Variants in CAMK2G observed in about 807,000 individuals in gnomAD.
CAMK2G encodes calcium/calmodulin-dependent protein kinase type II subunit gamma.
CAMK2G carries 23 observed loss-of-function variants against 88.7 expected under a neutral mutation model. That is an observed-to-expected ratio of 0.26 (90% confidence interval 0.19 to 0.37). The LOEUF (loss-of-function observed/expected upper bound fraction) is 0.37. CAMK2G is among the 10% of genes least tolerant of loss of function. The pLI is 1.00. For missense variants in CAMK2G, 476 were observed against 780.8 expected (o/e 0.61, Z 4.65); for synonymous variants, 263 against 294.8 (o/e 0.89, Z 1.11).
At position 73,851,243 on chromosome 10, in the gene CAMK2G, G is replaced by A. The variant is rs1368960863; in HGVS notation, c.341+1011C>T. ...CATAAGCCAGATAAGCTGCAGGCAG[G>A]ATGATCAAAACCAGGTTGTAGGGAC... On this transcript the variant is annotated intron_variant, in intron 5 of 22. Transcript: ENST00000423381. Among the ~76,000 whole-genome samples, 4 of 152,246 alleles carry A rather than the reference G, an allele frequency of 2.6e-5. No homozygotes were observed. The East Asian group carries it at 7.7e-4, about 29-fold the overall frequency.
intron 16 of CAMK2G, 122 bp downstream of exon 16, chr10:73,825,157 A>C: frequency 1.3e-6 from 1 of 756,044 alleles, no homozygotes. Flanking sequence ...CAAAGCAGTC[A>C]GTTCTATGGG....
intron 1 of CAMK2G, among the ~76,000 whole-genome samples, chr10:73,873,809 G>C (rs1485039062): frequency 7.7e-6 from 1 of 129,724 alleles, no homozygotes; most frequent in Non-Finnish European, 1.7e-5. Flanking sequence ...GCAGCGGCCA[G>C]CTCAGTGCGG....
intron 19 of CAMK2G, among the ~76,000 whole-genome samples, chr10:73,819,220 C>T (rs1373196917): frequency 1.3e-5 from 2 of 152,116 alleles, no homozygotes; most frequent in Admixed American, 6.5e-5. Flanking sequence ...ACCTGACTTC[C>T]GACTCTGCCC....
intron 1 of CAMK2G, chr10:73,873,570 C>A (rs2095925487): frequency 1.0e-6 from 1 of 986,144 alleles, no homozygotes; most frequent in Non-Finnish European, 1.2e-6. Context: ...GAGGCTCAAA[C>A]CCCCCCACAG....
chr10:73,865,270 T>A (rs1788529926), intron 2 of CAMK2G, among the ~76,000 whole-genome samples: 1 of 152,204 alleles, frequency 6.6e-6, no homozygotes, highest in Admixed American at 6.5e-5. Context: ...GGGGCCCACC[T>A]GTGTCTACAG....
intron 14 of CAMK2G, among the ~76,000 whole-genome samples, chr10:73,829,510 G>C (rs1178523068): frequency 6.6e-6 from 1 of 151,894 alleles, no homozygotes; most frequent in Non-Finnish European, 1.5e-5. Flanking sequence ...ATGTTGGCCA[G>C]GCTGGTCTCG....
At chr10:73,834,431 A>C (rs909792084) in intron 14 of CAMK2G, among the ~76,000 whole-genome samples, 3 of 152,216 alleles carry the variant, frequency 2.0e-5, no homozygotes, top group Admixed American at 6.5e-5. Flanking sequence ...GACACACAAC[A>C]CATTGCAGGG....
At chr10:73,853,123 T>A (rs2250140) in intron 4 of CAMK2G, 69 bp downstream of exon 4, 1 of 1,458,148 alleles carries the variant, frequency 6.9e-7, no homozygotes, top group Non-Finnish European at 9.6e-7. Flanking sequence ...TGTTTAGGCC[T>A]CTTCCTGAGC....
intron 19 of CAMK2G, 128 bp downstream of exon 19, chr10:73,819,404 G>A: frequency 1.4e-6 from 1 of 707,818 alleles, no homozygotes; most frequent in Non-Finnish European, 2.5e-6. Flanking sequence ...ACCCCCAGCA[G>A]AGGCCATGCT....
At chr10:73,866,635 T>C (rs2095605412) in intron 2 of CAMK2G, among the ~76,000 whole-genome samples, 1 of 152,230 alleles carries the variant, frequency 6.6e-6, no homozygotes, top group African/African-American at 2.4e-5. Context: ...TTTGCAGGTC[T>C]GTGCCTATGA....
chr10:73,871,790 T>C (rs2688625), intron 2 of CAMK2G, among the ~76,000 whole-genome samples: 71,029 of 151,900 alleles, frequency 0.47, 17,591 homozygotes, highest in Middle Eastern at 0.61. Context: ...AGTGCCCTAC[T>C]AGAGGGATGG....
At chr10:73,871,656 A>C (rs564238737) in intron 2 of CAMK2G, among the ~76,000 whole-genome samples, 4 of 148,338 alleles carry the variant, frequency 2.7e-5, no homozygotes, top group Non-Finnish European at 6.0e-5. Context: ...CTGACTGCCC[A>C]CATATCTCTA....
In CAMK2G at chr10:73,848,496, C is replaced by T. The variant is rs1235463547; in HGVS notation, c.601+30G>A. ...ATCGGAAGTTGAGGGCCCTTAACAG[C>T]GAAAAGCTGAGAGCGTGGAATGGGC... On this transcript the variant is annotated intron_variant, in intron 8 of 22. Transcript: ENST00000423381. This position sits in a 1 kb window ranked among gnomAD's most constrained non-coding sequence, Gnocchi z 4.5. 1.1e-5 allele frequency: 17 copies of T among 1,497,878 alleles called. No individual in the cohort carries two copies. The highest frequency in any genetic ancestry group is 1.8e-4 in the Middle Eastern group (1 of 5,632). 92.8% of individuals were successfully genotyped at this position (1,497,878 alleles called of 1,614,324 possible).
intron 2 of CAMK2G, among the ~76,000 whole-genome samples, chr10:73,869,818 G>A (rs913686904): frequency 3.3e-5 from 5 of 152,248 alleles, no homozygotes; most frequent in African/African-American, 7.2e-5. Context: ...CACTGTTTCC[G>A]GTAGCATCTC....
intron 14 of CAMK2G, among the ~76,000 whole-genome samples, chr10:73,834,305 C>T (rs929493566): frequency 6.6e-6 from 1 of 152,198 alleles, no homozygotes; most frequent in Non-Finnish European, 1.5e-5. Flanking sequence ...TGCGAATACG[C>T]GGTTGGCCTT....
rs116454824 is a variant in CAMK2G, at chr10:73,832,384, G to A, written c.1054-4263C>T. ...AGTGCAGTGGCGCACTTGGCTCACCGCAACCTCCGACTCCCTAGTTCAAAC... is the reference window on the plus strand; with the variant it reads ...AGTGCAGTGGCGCACTTGGCTCACCACAACCTCCGACTCCCTAGTTCAAAC... On this transcript the variant is annotated intron_variant, in intron 14 of 22. Transcript: ENST00000423381. Among the ~76,000 whole-genome samples the A allele has an allele frequency of 5.7e-3, 858 of 151,716 alleles. 4 individuals carry two copies. Among genetic ancestry groups the A allele is most frequent in the African/African-American group, 0.016 (681 of 41,326 alleles).
Position 73,872,923 on chromosome 10 carries a change from T to C in CAMK2G, c.160+66A>G. ...ACGCACAACCCCCAATTCCTGGGGC[T>C]TCCTCAAAAGAAACCATGGCCCCTG... On this transcript the variant is annotated intron_variant, in intron 2 of 22. Coordinates refer to ENST00000423381, the MANE Select transcript of CAMK2G (RefSeq NM_001367534.1). 4 of 1,008,392 alleles carry C rather than the reference T, an allele frequency of 4.0e-6. No homozygotes were observed. The South Asian group carries it at 5.0e-5, about 13-fold the overall frequency. The allele number at this position is 1,008,392 out of a possible 1,614,324, so 62.5% of individuals were successfully genotyped here.
intron 9 of CAMK2G, among the ~76,000 whole-genome samples, chr10:73,847,658 G>A (rs1171184187): frequency 6.6e-6 from 1 of 152,156 alleles, no homozygotes; most frequent in Non-Finnish European, 1.5e-5. Flanking sequence ...TGTGTCCAAG[G>A]TGCCACTGCA....
Position 73,842,561 on chromosome 10 carries a change from G to A in CAMK2G, c.820-20C>T, listed in dbSNP as rs1173134043. ...TCGTTGCTAGAAACCAAACAGACAG[G>A]CTATGAGCCCCAGCCCAGATCCTCT... On this transcript the variant is annotated intron_variant, in intron 10 of 22. Coordinates refer to ENST00000423381, the MANE Select transcript of CAMK2G (RefSeq NM_001367534.1). This position sits in a 1 kb window ranked among gnomAD's most constrained non-coding sequence, Gnocchi z 4.6. The A allele has an allele frequency of 6.3e-7, 1 of 1,578,082 alleles. No individual in the cohort carries two copies. Among genetic ancestry groups the A allele is most frequent in the South Asian group, 1.1e-5 (1 of 90,360 alleles).
Sources: allele counts gnomAD v4.1 joint callset (sites outside exome capture counted in the v4.1 genomes callset), GRCh38; gene constraint gnomAD v4.1.1; non-coding constraint Gnocchi (gnomAD v3.1); transcripts MANE v1.5; gene names NCBI Gene and HGNC (gene_info 2026-07-23, HGNC 2026-07-21).